The following NOL4 variants were observed in gnomAD, a reference collection of about 807,000 sequenced individuals.
The protein encoded by NOL4 is nucleolar protein 4.
In NOL4, 17 loss-of-function variants were observed where a neutral mutation model predicts 75.9. That is an observed-to-expected ratio of 0.22 (90% CI 0.15 to 0.34). The LOEUF is 0.34. Ranked by LOEUF, NOL4 falls within the 10% of genes least tolerant of loss-of-function variation. NOL4 has a pLI of 1.00. For synonymous variants in NOL4, 292 were observed against 289.9 expected (o/e 1.01, Z -0.07); for missense variants, 614 against 793.5 (o/e 0.77, Z 2.72).
intron 2 of NOL4, among the ~76,000 whole-genome samples, chr18:34,112,497 C>T (rs1200354323): frequency 1.3e-5 from 2 of 151,892 alleles, no homozygotes; most frequent in Non-Finnish European, 2.9e-5. Flanking sequence ...CATGTCACTA[C>T]ACATACATAA....
At chr18:33,945,660 T>C (rs1371925689) in intron 8 of NOL4, among the ~76,000 whole-genome samples, 1 of 151,768 alleles carries the variant, frequency 6.6e-6, no homozygotes, top group Non-Finnish European at 1.5e-5. Context: ...TAACCTAATA[T>C]TTAAAAATTA....
chr18:33,869,148 AAAT>A (rs2063574357), intron 10 of NOL4, among the ~76,000 whole-genome samples: 1 of 151,834 alleles, frequency 6.6e-6, no homozygotes, highest in African/African-American at 2.4e-5. Flanking sequence ...AATAATTATA[AAAT>A]AATATTACAG....
chr18:34,008,688 T>C (rs1311356550), intron 6 of NOL4, among the ~76,000 whole-genome samples: 1 of 151,900 alleles, frequency 6.6e-6, no homozygotes. Flanking sequence ...TTAATCACCA[T>C]AATGGAAATT....
chr18:33,958,223 G>A lies in NOL4; in HGVS notation c.1236+16C>T, dbSNP rs745911762. The A allele has an allele frequency of 2.5e-6, 4 of 1,606,316 alleles. No homozygotes were observed. The Admixed American group carries it at 6.7e-5, about 27-fold the overall frequency. On this transcript the variant is annotated intron_variant, in intron 7 of 10. Coordinates refer to ENST00000261592, the MANE Select transcript of NOL4 (RefSeq NM_003787.5). ...TGGTAAAAATTAAACCACACTTGGA[G>A]TGTGGCAGGACTCACATTAAAAGCT...
chr18:33,861,759 TA>T (rs1242626160), intron 10 of NOL4, among the ~76,000 whole-genome samples: 6 of 151,846 alleles, frequency 4.0e-5, no homozygotes, highest in Admixed American at 3.9e-4. Context: ...ACTGCTCAAT[TA>T]AATAAAAGAG....
At chr18:33,913,405 G>A (rs139231829) in intron 9 of NOL4, among the ~76,000 whole-genome samples, 1 of 152,110 alleles carries the variant, frequency 6.6e-6, no homozygotes, top group Non-Finnish European at 1.5e-5. Context: ...TCAGTGTTTG[G>A]ATGTCGTCAT....
At chr18:34,080,729 A>T (rs1409408712) in intron 5 of NOL4, among the ~76,000 whole-genome samples, 3 of 152,214 alleles carry the variant, frequency 2.0e-5, no homozygotes, top group Non-Finnish European at 2.9e-5. Flanking sequence ...GATGTGCTTT[A>T]TAAAGAAGTC....
chr18:33,945,126 A>G (rs1480282325), intron 8 of NOL4, among the ~76,000 whole-genome samples: 1 of 151,892 alleles, frequency 6.6e-6, no homozygotes, highest in Admixed American at 6.6e-5. Flanking sequence ...GTACATTATT[A>G]GATCTTTTGT....
intron 9 of NOL4, among the ~76,000 whole-genome samples, chr18:33,920,042 T>G (rs1183487043): frequency 6.6e-6 from 1 of 152,226 alleles, no homozygotes; most frequent in Non-Finnish European, 1.5e-5. Context: ...TCTTTTTAAA[T>G]GACAACTCCA....
chr18:33,999,024 C>G (rs1177044476), intron 6 of NOL4, among the ~76,000 whole-genome samples: 1 of 152,018 alleles, frequency 6.6e-6, no homozygotes, highest in Non-Finnish European at 1.5e-5. Context: ...AGATTTTGTA[C>G]AGTGGATTTT....
intron 10 of NOL4, among the ~76,000 whole-genome samples, chr18:33,879,883 G>A (rs559021718): frequency 6.6e-6 from 1 of 152,062 alleles, no homozygotes; most frequent in East Asian, 1.9e-4. Flanking sequence ...GTTCCTAAGA[G>A]AGAGATTGCT....
chr18:33,882,502 T>C (rs1027905020), intron 10 of NOL4, among the ~76,000 whole-genome samples: 2,143 of 151,802 alleles, frequency 0.014, 50 homozygotes, highest in African/African-American at 0.048. Context: ...ACAACCACAA[T>C]GAGATACCAT....
chr18:34,142,416 G>A (rs1394179849), intron 1 of NOL4, among the ~76,000 whole-genome samples: 1 of 152,124 alleles, frequency 6.6e-6, no homozygotes, highest in East Asian at 1.9e-4. Context: ...CAATAGCAAA[G>A]AATTGGAACC....
At position 33,933,022 on chromosome 18, in the gene NOL4, C is replaced by G. The variant is rs577799680; in HGVS notation, c.1542+10043G>C. On this transcript the variant is annotated intron_variant, in intron 9 of 10. Coordinates refer to ENST00000261592, the MANE Select transcript of NOL4 (RefSeq NM_003787.5). ...TGTTACATAGGAGATAGAACATAGTCCAAGAACTACCCCGATGGTCCAGAC... is the reference window on the plus strand; with the variant it reads ...TGTTACATAGGAGATAGAACATAGTGCAAGAACTACCCCGATGGTCCAGAC... 9.2e-5 allele frequency among the ~76,000 whole-genome samples: 14 copies of G among 152,144 alleles called. No homozygotes were observed. In the South Asian group the frequency reaches 2.9e-3, roughly 32 times the overall value.
At chr18:34,185,343 T>G (rs766730048) in intron 1 of NOL4, among the ~76,000 whole-genome samples, 27 of 152,130 alleles carry the variant, frequency 1.8e-4, no homozygotes, top group Non-Finnish European at 2.9e-4. Flanking sequence ...GGATTTTTCA[T>G]AGTTCTCCAC....
At position 33,901,709 on chromosome 18, in the gene NOL4, T is replaced by C. The variant is rs532309030; in HGVS notation, c.1543-18285A>G. On this transcript the variant is annotated intron_variant, in intron 9 of 10. Transcript: ENST00000261592. ...CTAGGTTTTCACTAAAATTTAAGGTTACTAAAAGTAAGAATTCTAGTTGAC... is the reference window on the plus strand; with the variant it reads ...CTAGGTTTTCACTAAAATTTAAGGTCACTAAAAGTAAGAATTCTAGTTGAC... Among the ~76,000 whole-genome samples, 4 of 152,200 alleles carry C rather than the reference T, an allele frequency of 2.6e-5. No individual in the cohort carries two copies. In the South Asian group the frequency reaches 8.3e-4, roughly 32 times the overall value.
At chr18:33,979,916 G>C (rs990147579) in intron 6 of NOL4, among the ~76,000 whole-genome samples, 2 of 151,960 alleles carry the variant, frequency 1.3e-5, no homozygotes, top group East Asian at 3.9e-4. Flanking sequence ...TGCCTCATAA[G>C]AAAGCAATTT....
At chr18:33,895,513 C>A (rs1406440285) in intron 9 of NOL4, among the ~76,000 whole-genome samples, 1 of 151,856 alleles carries the variant, frequency 6.6e-6, no homozygotes, top group Non-Finnish European at 1.5e-5. Flanking sequence ...TCTGGAGGTT[C>A]AAAAATGTGA....
At chr18:34,173,386 G>A (rs914689171) in intron 1 of NOL4, among the ~76,000 whole-genome samples, 19 of 152,028 alleles carry the variant, frequency 1.2e-4, no homozygotes, top group African/African-American at 3.6e-4. Flanking sequence ...GGTTTTAAAT[G>A]TCCCTACCAT....
Sources: allele counts gnomAD v4.1 joint callset (sites outside exome capture counted in the v4.1 genomes callset), GRCh38; gene constraint gnomAD v4.1.1; transcripts MANE v1.5; gene names NCBI Gene and HGNC (gene_info 2026-07-23, HGNC 2026-07-21).